The following IL17RD variants were observed in gnomAD, a reference collection of about 807,000 sequenced individuals.
IL17RD encodes interleukin-17 receptor D.
Under a neutral mutation model 80.5 loss-of-function variants are expected in IL17RD, and 52 were observed. The observed-to-expected ratio is 0.65, with a 90% CI of 0.52 to 0.81. IL17RD has a LOEUF of 0.81. Among genes scored for constraint, IL17RD ranks in the 40% least tolerant of loss-of-function variants. The probability of loss-of-function intolerance (pLI) is 0.00; values close to 1 mark genes in which losing one functional copy is unlikely to be tolerated. For synonymous variants in IL17RD, 416 were observed against 391.8 expected, an observed-to-expected ratio of 1.06 and a Z score of -0.73; for missense variants, 1,024 against 955.1, an observed-to-expected ratio of 1.07 and a Z score of -0.95.
chr3:57,125,218 C>T (rs1000025275), intron 1 of IL17RD, among the ~76,000 whole-genome samples: 2 of 152,070 alleles, frequency 1.3e-5, no homozygotes, highest in East Asian at 3.9e-4. Flanking sequence ...AGTAGCCTGG[C>T]CAACATGGTA....
chr3:57,113,502 G>T (rs183249508), intron 3 of IL17RD, among the ~76,000 whole-genome samples: 1 of 152,258 alleles, frequency 6.6e-6, no homozygotes, highest in African/African-American at 2.4e-5. Context: ...CTCCCTAAGT[G>T]CTGGAATTAC....
At chr3:57,148,156 C>T (rs1434365890) in intron 1 of IL17RD, among the ~76,000 whole-genome samples, 2 of 148,754 alleles carry the variant, frequency 1.3e-5, no homozygotes, top group South Asian at 2.2e-4. Flanking sequence ...AGTGAAACCC[C>T]GTCTCTACTA....
chr3:57,158,031 T>C (rs2060280024), intron 1 of IL17RD, among the ~76,000 whole-genome samples: 1 of 152,264 alleles, frequency 6.6e-6, no homozygotes, highest in African/African-American at 2.4e-5. Context: ...ATTTAAGGCC[T>C]AATCCCTCAT....
chr3:57,133,393 C>T (rs1053335700), intron 1 of IL17RD, among the ~76,000 whole-genome samples: 7 of 152,080 alleles, frequency 4.6e-5, no homozygotes, highest in Non-Finnish European at 7.4e-5. Flanking sequence ...CATGGAATTT[C>T]CATTAAAGCA....
chr3:57,114,152 C>T (rs1256508763), intron 3 of IL17RD, among the ~76,000 whole-genome samples: 1 of 151,438 alleles, frequency 6.6e-6, no homozygotes, highest in Admixed American at 6.6e-5. Flanking sequence ...CCATTGCACT[C>T]CAGCCTGGGT....
At chr3:57,102,032 A>G (rs1390551782) in intron 10 of IL17RD, among the ~76,000 whole-genome samples, 5 of 151,844 alleles carry the variant, frequency 3.3e-5, no homozygotes, top group Non-Finnish European at 7.4e-5. Context: ...AGGCTGAGGC[A>G]GGAGGAATGC....
chr3:57,155,261 G>A (rs1018664030), intron 1 of IL17RD, among the ~76,000 whole-genome samples: 12 of 152,328 alleles, frequency 7.9e-5, no homozygotes, highest in Middle Eastern at 3.4e-3. Flanking sequence ...CGTTCACATC[G>A]TTTCAGAAAG....
chr3:57,114,840 A>G, intron 2 of IL17RD, 23 bp from the exon 3 acceptor site: 1 of 1,517,298 alleles, frequency 6.6e-7, no homozygotes, highest in Non-Finnish European at 8.8e-7. Flanking sequence ...GAGAATGAGA[A>G]CAGTTAAATT....
intron 1 of IL17RD, among the ~76,000 whole-genome samples, chr3:57,132,874 A>T (rs756076553): frequency 5.3e-5 from 8 of 152,198 alleles, no homozygotes; most frequent in Non-Finnish European, 1.0e-4. Flanking sequence ...TAGATGAAGA[A>T]AACAGCTGAT....
At chr3:57,121,043 C>T (rs1046353161) in intron 1 of IL17RD, among the ~76,000 whole-genome samples, 6 of 152,218 alleles carry the variant, frequency 3.9e-5, no homozygotes, top group Admixed American at 1.3e-4. Context: ...GCCTTTTCCA[C>T]CACTTATGCA....
Position 57,096,375 on chromosome 3 carries a change from T to A in IL17RD, c.*18A>T, listed in dbSNP as rs200698894. 177 of 1,568,632 alleles carry A rather than the reference T, an allele frequency of 1.1e-4. 3 individuals carry two copies. The East Asian group carries it at 3.9e-3, about 35-fold the overall frequency. ...GAGGCAGCAGCTAAAGTGGCAATGC[T>A]TAGACTCTTTCGTTTTGTTACAAAG... On this transcript the variant is annotated 3_prime_UTR_variant, in exon 13 of 13. Coordinates refer to ENST00000296318, the MANE Select transcript of IL17RD (RefSeq NM_017563.5).
rs1394462467 is a variant in IL17RD at position 57,097,883 on chromosome 3, G to A, written c.1820C>T (p.Ala607Val). The A allele has an allele frequency of 1.2e-5, 19 of 1,613,934 alleles. No individual in the cohort carries two copies. Among genetic ancestry groups the A allele is most frequent in the Admixed American group, 1.7e-5 (1 of 60,026 alleles). Residue 607 changes from alanine (A) to valine (V), a missense_variant, in exon 12 of 13, where the codon GCG becomes GTG. Ala to Val is a moderately conservative substitution (Grantham distance 64). Transcript: ENST00000296318. ...TGGTCCGGTTGCCCCAAGAACAGCC[G>A]CCTCTACCTTTAGGCAGAAGTCACT... ...PESDFCLKVE[A>V]AVLGATGPAD...
intron 1 of IL17RD, among the ~76,000 whole-genome samples, chr3:57,148,659 G>A (rs376111148): frequency 9.9e-5 from 15 of 152,246 alleles, no homozygotes; most frequent in African/African-American, 2.2e-4. Flanking sequence ...GTTTAGGAGC[G>A]TCTGAACACA....
rs778606780 is a variant in IL17RD at position 57,096,416 on chromosome 3, G to A, written c.2197C>T (p.Leu733Phe). ...TGTTACAAAGGGGCGACCGCGTGGAGTTCATCAGTGTAGCTGCGGCAACCA... is the reference window on the plus strand; with the variant it reads ...TGTTACAAAGGGGCGACCGCGTGGAATTCATCAGTGTAGCTGCGGCAACCA... ...DLGCRSYTDE[L>F]HAVAPL Residue 733 changes from leucine to phenylalanine, a missense_variant, in exon 13 of 13, where the codon CTC (leucine) becomes TTC (phenylalanine). By Grantham distance (22) the Leu-to-Phe change is conservative. Transcript: ENST00000296318. 5 of 1,613,702 alleles carry A rather than the reference G, an allele frequency of 3.1e-6. No individual in the cohort carries two copies. Among genetic ancestry groups the A allele is most frequent in the Middle Eastern group, 1.6e-4 (1 of 6,062 alleles).
At chr3:57,128,274 AT>A (rs1707535914) in intron 1 of IL17RD, among the ~76,000 whole-genome samples, 1 of 152,076 alleles carries the variant, frequency 6.6e-6, no homozygotes, top group African/African-American at 2.4e-5. Context: ...AATTAAAGAG[AT>A]TTGCTCGGGG....
chr3:57,154,579 T>C (rs948994632), intron 1 of IL17RD, among the ~76,000 whole-genome samples: 4 of 151,946 alleles, frequency 2.6e-5, no homozygotes, highest in Non-Finnish European at 5.9e-5. Context: ...TGAAAAGATG[T>C]GGGAGGTAGA....
intron 8 of IL17RD, 90 bp downstream of exon 8, chr3:57,104,252 C>T: frequency 1.1e-6 from 1 of 881,632 alleles, no homozygotes; most frequent in Non-Finnish European, 1.8e-6. Flanking sequence ...CCTTCAATAG[C>T]TTGAAATTTT....
chr3:57,149,938 G>T (rs747548277), intron 1 of IL17RD, among the ~76,000 whole-genome samples: 1 of 152,112 alleles, frequency 6.6e-6, no homozygotes, highest in South Asian at 2.1e-4. Flanking sequence ...TGGTGTATGG[G>T]TCCACAAGTT....
At chr3:57,162,898 G>A (rs2060315185) in intron 1 of IL17RD, among the ~76,000 whole-genome samples, 1 of 152,206 alleles carries the variant, frequency 6.6e-6, no homozygotes, top group South Asian at 2.1e-4. Context: ...AAAGCAAGGG[G>A]CATGGCATTC....
Sources: allele counts gnomAD v4.1 joint callset (sites outside exome capture counted in the v4.1 genomes callset), GRCh38; gene constraint gnomAD v4.1.1; transcripts MANE v1.5; gene names NCBI Gene and HGNC (gene_info 2026-07-23, HGNC 2026-07-21).